The following AK7 variants were observed in gnomAD, a reference collection of about 807,000 sequenced individuals.
AK7 encodes adenylate kinase 7, also known as ATP-AMP transphosphorylase 7.
A neutral mutation model predicts 96.6 loss-of-function variants in AK7; 78 were observed. The ratio of observed to expected loss-of-function variants is 0.81; its 90% CI spans 0.67 to 0.97. The LOEUF is 0.97. AK7 is among the 50% of genes least tolerant of loss of function. AK7 has a pLI of 0.00. For missense variants in AK7, 855 were observed against 887.9 expected, an observed-to-expected ratio of 0.96 and a Z score of 0.47; for synonymous variants, 302 against 317.2, an observed-to-expected ratio of 0.95 and a Z score of 0.51.
chr14:96,471,416 A>ACAACT, intron 12 of AK7, 62 bp from the exon 13 acceptor site: 1 of 983,488 alleles, frequency 1.0e-6, no homozygotes, highest in South Asian at 3.0e-5. Flanking sequence ...TAACTTTAAA[A>ACAACT]CAACTCTTAC....
chr14:96,463,982 C>T (rs1426454059), intron 12 of AK7, among the ~76,000 whole-genome samples: 2 of 152,036 alleles, frequency 1.3e-5, no homozygotes, highest in African/African-American at 4.8e-5. Context: ...TGCAATGTTA[C>T]CCCTTTCTAG....
At chr14:96,484,658 G>C (rs1230861856) in intron 16 of AK7, among the ~76,000 whole-genome samples, 1 of 152,084 alleles carries the variant, frequency 6.6e-6, no homozygotes, top group East Asian at 1.9e-4. Flanking sequence ...GCATTTCCTG[G>C]TCTCTGTAAA....
intron 7 of AK7, among the ~76,000 whole-genome samples, 200 bp from the exon 8 acceptor site, chr14:96,446,317 A>G (rs1241391207): frequency 6.6e-6 from 1 of 152,210 alleles, no homozygotes; most frequent in African/African-American, 2.4e-5. Flanking sequence ...AGCCTGAGAA[A>G]TGTCACCGAA....
chr14:96,437,258 A>G (rs1050579678), intron 5 of AK7, among the ~76,000 whole-genome samples: 1 of 150,792 alleles, frequency 6.6e-6, no homozygotes, highest in Non-Finnish European at 1.5e-5. Context: ...AGGGATGGAT[A>G]CCCCATTCTC....
Position 96,487,003 on chromosome 14 carries a change from C to T in AK7, c.2080C>T (p.Gln694Ter), listed in dbSNP as rs927435992. ...LMTYVMPTLI[Q>*]GLNECCNVRP... ...GACCTATGTGATGCCAACTCTTATT[C>T]AGGGCCTGAATGAATGTTGCAACGT... is the stretch of plus-strand genomic sequence containing the variant. Residue 694 changes from glutamine (Q) to a stop codon, truncating the protein, a stop_gained, in exon 17 of 18, where the codon CAG (glutamine) becomes TAG (stop). Transcript: ENST00000267584. LOFTEE classifies it high-confidence loss of function. 2 of 1,613,968 alleles carry T rather than the reference C, an allele frequency of 1.2e-6. No homozygotes were observed. The highest frequency in any genetic ancestry group is 2.7e-5 in the African/African-American group (2 of 74,890).
intron 12 of AK7, among the ~76,000 whole-genome samples, chr14:96,468,152 A>G (rs1258121694): frequency 6.8e-6 from 1 of 147,726 alleles, no homozygotes; most frequent in African/African-American, 2.5e-5. Flanking sequence ...CAGGAAGTAG[A>G]GGCCACAGTG....
Position 96,399,659 on chromosome 14 carries a change from G to C in AK7, c.294+1396G>C, listed in dbSNP as rs1323997114. ...TCACCAGCAGTCCCCTGACTCCCGAGGGGCTTAGCTCACCTGGCTTCACAG... is the reference window on the plus strand; with the variant it reads ...TCACCAGCAGTCCCCTGACTCCCGACGGGCTTAGCTCACCTGGCTTCACAG... On this transcript the variant is annotated intron_variant, in intron 2 of 17. Coordinates refer to ENST00000267584, the MANE Select transcript of AK7 (RefSeq NM_152327.5). This position sits in a 1 kb window ranked among gnomAD's most constrained non-coding sequence, Gnocchi z 4.1. 2.0e-5 allele frequency among the ~76,000 whole-genome samples: 3 copies of C among 152,202 alleles called. No homozygotes were observed. Among genetic ancestry groups the C allele is most frequent in the Non-Finnish European group, 4.4e-5 (3 of 68,050 alleles).
intron 17 of AK7, among the ~76,000 whole-genome samples, 185 bp downstream of exon 17, chr14:96,487,241 T>G (rs1895821809): frequency 6.7e-6 from 1 of 148,740 alleles, no homozygotes; most frequent in Non-Finnish European, 1.5e-5. Flanking sequence ...AAAAATTAGC[T>G]GGGTGTGGTG....
intron 12 of AK7, among the ~76,000 whole-genome samples, chr14:96,463,612 C>T (rs181451986): frequency 0.014 from 2,137 of 148,808 alleles, 54 homozygotes; most frequent in African/African-American, 0.051. Flanking sequence ...CCCAGCTACT[C>T]GGGAGGCTGA....
intron 15 of AK7, among the ~76,000 whole-genome samples, chr14:96,482,629 C>T (rs1895561109): frequency 6.6e-6 from 1 of 152,272 alleles, no homozygotes; most frequent in South Asian, 2.1e-4. Context: ...TGTTTGGCCT[C>T]CCACAAGTGC....
At chr14:96,427,020 C>T (rs937094189) in intron 5 of AK7, among the ~76,000 whole-genome samples, 4 of 152,090 alleles carry the variant, frequency 2.6e-5, no homozygotes, top group African/African-American at 9.7e-5. Context: ...TGGAGGCGGG[C>T]AGATCACCTG....
intron 7 of AK7, 24 bp from the exon 8 acceptor site, chr14:96,446,493 A>G: frequency 6.2e-7 from 1 of 1,605,522 alleles, no homozygotes; most frequent in Non-Finnish European, 8.5e-7. Flanking sequence ...CCCTTTGATG[A>G]TTATTTTACC....
At chr14:96,455,758 G>A (rs1595437213) in intron 10 of AK7, among the ~76,000 whole-genome samples, 1 of 152,188 alleles carries the variant, frequency 6.6e-6, no homozygotes, top group East Asian at 1.9e-4. Context: ...CCATGTAGTT[G>A]GTGCCTATTG....
intron 5 of AK7, chr14:96,423,866 A>G: frequency 1.1e-6 from 1 of 870,930 alleles, no homozygotes; most frequent in South Asian, 1.3e-5. Context: ...GTCACATTTC[A>G]GCGGCCTGTG....
At position 96,437,955 on chromosome 14, in the gene AK7, C is replaced by T. The variant is rs746469329; in HGVS notation, c.690+40C>T. 5.1e-6 allele frequency: 8 copies of T among 1,564,292 alleles called. No homozygotes were observed. The African/African-American group carries it at 9.5e-5, about 19-fold the overall frequency. ...GATGACGTGGAATGTTTAAAAGTGT[C>T]TTACGATACAGATACGCAATTTGAA... On this transcript the variant is annotated intron_variant, in intron 6 of 17. Coordinates refer to ENST00000267584, the MANE Select transcript of AK7 (RefSeq NM_152327.5).
At chr14:96,420,072 G>T (rs979223184) in intron 4 of AK7, among the ~76,000 whole-genome samples, 1 of 151,492 alleles carries the variant, frequency 6.6e-6, no homozygotes, top group Non-Finnish European at 1.5e-5. Flanking sequence ...CATCATGTTA[G>T]CCAGGCTGGT....
chr14:96,404,161 A>AC, intron 2 of AK7, among the ~76,000 whole-genome samples: 1 of 151,588 alleles, frequency 6.6e-6, no homozygotes, highest in African/African-American at 2.4e-5. Flanking sequence ...AAAAAAAAAA[A>AC]AAAAAAAAAA....
chr14:96,408,237 T>C (rs925731060), intron 3 of AK7, among the ~76,000 whole-genome samples: 1 of 152,238 alleles, frequency 6.6e-6, no homozygotes, highest in Non-Finnish European at 1.5e-5. Context: ...GTGGGGCCTC[T>C]GCTGCCCCAT....
chr14:96,465,489 T>A (rs1287463316), intron 12 of AK7, among the ~76,000 whole-genome samples: 4 of 151,818 alleles, frequency 2.6e-5, no homozygotes, highest in African/African-American at 9.7e-5. Flanking sequence ...AAAAATACAT[T>A]AATTCTGGAA....
Sources: gnomAD v4.1 joint callset for allele counts (sites outside exome capture counted in the v4.1 genomes callset) on GRCh38, gnomAD v4.1.1 for gene constraint, Gnocchi (gnomAD v3.1) non-coding constraint, MANE v1.5 for transcripts, NCBI Gene and HGNC (gene_info 2026-07-23, HGNC 2026-07-21) for gene names.